Variants in EFNA5 observed in about 807,000 individuals in gnomAD.
EFNA5 encodes ephrin-A5.
A neutral mutation model predicts 22.9 loss-of-function variants in EFNA5; 5 were observed. The ratio of observed to expected loss-of-function variants is 0.22; its 90% CI spans 0.11 to 0.46. EFNA5 has a LOEUF of 0.46. Among genes scored for constraint, EFNA5 ranks in the 20% least tolerant of loss-of-function variants. EFNA5 has a pLI of 0.99. For synonymous variants in EFNA5, 113 were observed against 112.2 expected (o/e 1.01, Z -0.04); for missense variants, 237 against 293.3 (o/e 0.81, Z 1.40).
At chr5:107,554,001 T>C (rs1389220605) in intron 1 of EFNA5, among the ~76,000 whole-genome samples, 1 of 152,200 alleles carries the variant, frequency 6.6e-6, no homozygotes, top group African/African-American at 2.4e-5. Context: ...TGAAAATATC[T>C]GATACTTTAC....
intron 1 of EFNA5, among the ~76,000 whole-genome samples, chr5:107,619,467 C>CT (rs1164694386): frequency 0.012 from 1,766 of 142,692 alleles, 36 homozygotes; most frequent in African/African-American, 0.039. Flanking sequence ...GCTGGACTTT[C>CT]TTTTTTTTTT....
At chr5:107,608,374 C>T (rs1458340247) in intron 1 of EFNA5, among the ~76,000 whole-genome samples, 2 of 152,154 alleles carry the variant, frequency 1.3e-5, no homozygotes, top group African/African-American at 4.8e-5. Context: ...ATGCTGTGGT[C>T]CACAGTCTCA....
At chr5:107,497,603 C>T (rs1334590156) in intron 1 of EFNA5, among the ~76,000 whole-genome samples, 3 of 151,182 alleles carry the variant, frequency 2.0e-5, no homozygotes, top group Admixed American at 6.5e-5. Flanking sequence ...ACCTAGGGAG[C>T]GCTGGAAAAT....
chr5:107,644,492 C>T lies in EFNA5; in HGVS notation c.125+25997G>A, dbSNP rs139830053. On this transcript the variant is annotated intron_variant, in intron 1 of 4. Coordinates refer to ENST00000333274, the MANE Select transcript of EFNA5 (RefSeq NM_001962.3). Reference sequence around the variant, plus strand: ...AAAAAATACTTGCATCCAAAGAAATCTCATATGTAAATAGAAACTTGTATA... The same window carrying T: ...AAAAAATACTTGCATCCAAAGAAATTTCATATGTAAATAGAAACTTGTATA... Among the ~76,000 whole-genome samples, 8 of 152,238 alleles carry T rather than the reference C, an allele frequency of 5.3e-5. No homozygotes were observed. The East Asian group carries it at 1.5e-3, about 29-fold the overall frequency.
chr5:107,448,110 AT>A (rs1201246509), intron 1 of EFNA5, among the ~76,000 whole-genome samples: 3 of 152,132 alleles, frequency 2.0e-5, no homozygotes, highest in African/African-American at 7.2e-5. Flanking sequence ...ACAAGGGAAA[AT>A]TTTTAAGAAG....
intron 1 of EFNA5, among the ~76,000 whole-genome samples, chr5:107,473,479 A>T (rs1654131): frequency 6.6e-6 from 1 of 152,136 alleles, no homozygotes; most frequent in African/African-American, 2.4e-5. Flanking sequence ...AACTATGCCC[A>T]AAGTCAGAAT....
intron 1 of EFNA5, among the ~76,000 whole-genome samples, chr5:107,632,385 T>G (rs1241524845): frequency 1.3e-5 from 2 of 152,150 alleles, no homozygotes; most frequent in Non-Finnish European, 2.9e-5. Flanking sequence ...GTTAGCAAAA[T>G]TCCAACAAGG....
chr5:107,523,938 T>A (rs1747645798), intron 1 of EFNA5, among the ~76,000 whole-genome samples: 2 of 152,238 alleles, frequency 1.3e-5, no homozygotes, highest in Non-Finnish European at 2.9e-5. Flanking sequence ...AGAAAATAAT[T>A]AAACTGCACA....
At chr5:107,511,033 TGTGTGTGTGA>T (rs1196023361) in intron 1 of EFNA5, among the ~76,000 whole-genome samples, 5 of 151,608 alleles carry the variant, frequency 3.3e-5, no homozygotes, top group Non-Finnish European at 7.4e-5. Context: ...TGTGTGTGTG[TGTGTGTGTGA>T]GACGGAGAGT....
At chr5:107,531,243 A>G (rs1174074911) in intron 1 of EFNA5, among the ~76,000 whole-genome samples, 1 of 152,206 alleles carries the variant, frequency 6.6e-6, no homozygotes, top group Non-Finnish European at 1.5e-5. Context: ...CTCAAGCCCT[A>G]GGTAGACTTA....
In EFNA5 at chr5:107,390,406, C is replaced by A. The variant is rs115587319; in HGVS notation, c.419-2635G>T. Among the ~76,000 whole-genome samples the A allele has an allele frequency of 3.8e-3, 574 of 152,078 alleles. 2 individuals carry two copies. Among genetic ancestry groups the A allele is most frequent in the South Asian group, 0.016 (78 of 4,812 alleles). On this transcript the variant is annotated intron_variant, in intron 2 of 4. Coordinates refer to ENST00000333274, the MANE Select transcript of EFNA5 (RefSeq NM_001962.3). ...GGTAATATAAAAGTGCATTACTAAT[C>A]ACAAGTAAACAAAAGGCAGAGGACT...
intron 1 of EFNA5, among the ~76,000 whole-genome samples, chr5:107,577,085 G>A (rs924631842): frequency 2.0e-5 from 3 of 152,136 alleles, no homozygotes; most frequent in Admixed American, 6.5e-5. Context: ...CCAGTTTTTC[G>A]CCCTTGCCTT....
chr5:107,493,148 T>C (rs1387889066), intron 1 of EFNA5, among the ~76,000 whole-genome samples: 2 of 152,008 alleles, frequency 1.3e-5, no homozygotes, highest in East Asian at 3.9e-4. Flanking sequence ...ATAATGTCTC[T>C]CCAGAATAAT....
chr5:107,459,869 A>G (rs538508582), intron 1 of EFNA5, among the ~76,000 whole-genome samples: 1 of 152,284 alleles, frequency 6.6e-6, no homozygotes, highest in Non-Finnish European at 1.5e-5. Flanking sequence ...TAATAGCCTT[A>G]ACTTTGTCTC....
At chr5:107,612,071 T>G (rs1378281933) in intron 1 of EFNA5, among the ~76,000 whole-genome samples, 2 of 152,216 alleles carry the variant, frequency 1.3e-5, no homozygotes, top group African/African-American at 4.8e-5. Flanking sequence ...ATATGTACTT[T>G]CTTCAGAAGT....
At chr5:107,611,656 C>A (rs987958106) in intron 1 of EFNA5, among the ~76,000 whole-genome samples, 1 of 152,176 alleles carries the variant, frequency 6.6e-6, no homozygotes, top group Non-Finnish European at 1.5e-5. Flanking sequence ...GGACACAGAG[C>A]ATGAGCTTAT....
At chr5:107,400,509 G>A (rs538857721) in intron 2 of EFNA5, among the ~76,000 whole-genome samples, 43 of 152,208 alleles carry the variant, frequency 2.8e-4, no homozygotes, top group African/African-American at 1.0e-3. Context: ...TAGTATAACT[G>A]ACAGTTATAG....
intron 1 of EFNA5, among the ~76,000 whole-genome samples, chr5:107,665,732 C>T (rs994506568): frequency 1.3e-5 from 2 of 152,094 alleles, no homozygotes; most frequent in African/African-American, 4.8e-5. Flanking sequence ...ATAGGTAGAA[C>T]ATATCTTAGT....
At chr5:107,657,398 C>T (rs929390256) in intron 1 of EFNA5, among the ~76,000 whole-genome samples, 40 of 152,134 alleles carry the variant, frequency 2.6e-4, no homozygotes, top group Non-Finnish European at 5.3e-4. Flanking sequence ...AAACTGGAAA[C>T]GCTAAGTGCT....
Sources: allele counts gnomAD v4.1 joint callset (sites outside exome capture counted in the v4.1 genomes callset), GRCh38; gene constraint gnomAD v4.1.1; transcripts MANE v1.5; gene names NCBI Gene and HGNC (gene_info 2026-07-23, HGNC 2026-07-21).